RIT2: variants seen among roughly 807,000 people sequenced by gnomAD.
RIT2 encodes the protein GTP-binding protein Rit2.
Under a neutral mutation model 23.7 loss-of-function variants are expected in RIT2, and 24 were observed. The observed-to-expected ratio is 1.01, with a 90% CI of 0.73 to 1.43. The LOEUF (loss-of-function observed/expected upper bound fraction) is 1.43, where lower values mean the gene tolerates loss of function less well. RIT2 is among the 40% of genes most tolerant of loss of function. The probability of loss-of-function intolerance (pLI) is 0.00; values close to 1 mark genes in which losing one functional copy is unlikely to be tolerated. For synonymous variants in RIT2, 107 were observed against 91.1 expected, an observed-to-expected ratio of 1.17 and a Z score of -0.99; for missense variants, 236 against 266.9, an observed-to-expected ratio of 0.88 and a Z score of 0.81.
At chr18:42,949,022 C>T in intron 3 of RIT2, 1 of 397,744 alleles carries the variant, frequency 2.5e-6, no homozygotes, top group Non-Finnish European at 4.4e-6. Flanking sequence ...GCTCTACTTC[C>T]CATCTGTGTT....
intron 1 of RIT2, among the ~76,000 whole-genome samples, chr18:43,036,181 AG>A (rs1458105263): frequency 3.3e-5 from 5 of 152,238 alleles, no homozygotes; most frequent in Admixed American, 3.3e-4. Context: ...ATTAGACTTG[AG>A]AAACATACAG....
chr18:42,991,181 C>T (rs1910838632), intron 2 of RIT2, among the ~76,000 whole-genome samples: 1 of 152,170 alleles, frequency 6.6e-6, no homozygotes, highest in Non-Finnish European at 1.5e-5. Context: ...GAGACAGAAG[C>T]AGCAATGCAC....
At chr18:42,817,218 A>T (rs1906024208) in intron 4 of RIT2, among the ~76,000 whole-genome samples, 1 of 152,126 alleles carries the variant, frequency 6.6e-6, no homozygotes, top group Non-Finnish European at 1.5e-5. Flanking sequence ...GTTGAAGCTA[A>T]ATTGATTATT....
intron 4 of RIT2, among the ~76,000 whole-genome samples, chr18:42,857,082 A>T (rs1256212823): frequency 6.6e-6 from 1 of 151,982 alleles, no homozygotes; most frequent in Non-Finnish European, 1.5e-5. Flanking sequence ...GGCCTTCCAA[A>T]GTGCTCGGAT....
chr18:42,968,456 A>G (rs1910289222), intron 3 of RIT2, among the ~76,000 whole-genome samples: 1 of 152,188 alleles, frequency 6.6e-6, no homozygotes, highest in African/African-American at 2.4e-5. Context: ...AGCCAAAACA[A>G]TGGATCATAA....
At chr18:42,838,511 A>G (rs1188749620) in intron 4 of RIT2, among the ~76,000 whole-genome samples, 1 of 151,792 alleles carries the variant, frequency 6.6e-6, no homozygotes, top group African/African-American at 2.4e-5. Context: ...ACTACCTCTA[A>G]TCTTCCATGG....
chr18:43,008,610 A>G (rs1399696041), intron 2 of RIT2, among the ~76,000 whole-genome samples: 2 of 151,520 alleles, frequency 1.3e-5, no homozygotes, highest in African/African-American at 4.8e-5. Context: ...TAAAAGAGCT[A>G]AAGTAGAATA....
At chr18:43,055,768 A>G (rs1018986413) in intron 1 of RIT2, among the ~76,000 whole-genome samples, 1 of 152,062 alleles carries the variant, frequency 6.6e-6, no homozygotes, top group Non-Finnish European at 1.5e-5. Context: ...GTTTTCGGAC[A>G]TGTTGTTGGT....
At chr18:43,014,382 C>A (rs1037832423) in intron 2 of RIT2, among the ~76,000 whole-genome samples, 26 of 151,668 alleles carry the variant, frequency 1.7e-4, no homozygotes, top group Non-Finnish European at 2.9e-4. Flanking sequence ...CTTGACAGGG[C>A]AGCCCAAGTA....
At chr18:42,909,823 T>C (rs1908720818) in intron 4 of RIT2, among the ~76,000 whole-genome samples, 1 of 152,098 alleles carries the variant, frequency 6.6e-6, no homozygotes, top group Non-Finnish European at 1.5e-5. Context: ...CTGGGATCTT[T>C]AGAAAGTAAA....
chr18:42,840,748 G>T (rs1460030979), intron 4 of RIT2, among the ~76,000 whole-genome samples: 1 of 152,138 alleles, frequency 6.6e-6, no homozygotes, highest in Non-Finnish European at 1.5e-5. Context: ...TGATCCACCC[G>T]CCTTGGCCTC....
chr18:42,863,073 C>A (rs559545188), intron 4 of RIT2, among the ~76,000 whole-genome samples: 20 of 151,094 alleles, frequency 1.3e-4, no homozygotes, highest in African/African-American at 4.9e-4. Flanking sequence ...GTACCTCCAA[C>A]AACAAGATGA....
intron 4 of RIT2, among the ~76,000 whole-genome samples, chr18:42,920,507 A>G (rs1457740712): frequency 6.6e-6 from 1 of 152,210 alleles, no homozygotes; most frequent in Non-Finnish European, 1.5e-5. Context: ...ATCACCATCA[A>G]AATGAATATT....
chr18:42,885,595 T>C (rs902445691), intron 4 of RIT2, among the ~76,000 whole-genome samples: 1 of 151,600 alleles, frequency 6.6e-6, no homozygotes, highest in African/African-American at 2.4e-5. Flanking sequence ...CAAAAAAAAA[T>C]AATAATAATA....
rs182614676 is a variant in RIT2 at position 42,832,394 on chromosome 18, C to G, written c.427-88674G>C. ...AACTTATATAGGCCAGTCACTTGATCCCACCCATAATGATGAAACCAGGAA... is the reference window on the plus strand; with the variant it reads ...AACTTATATAGGCCAGTCACTTGATGCCACCCATAATGATGAAACCAGGAA... On this transcript the variant is annotated intron_variant, in intron 4 of 4. Coordinates refer to ENST00000326695, the MANE Select transcript of RIT2 (RefSeq NM_002930.4). Among the ~76,000 whole-genome samples the G allele has an allele frequency of 5.0e-3, 767 of 152,230 alleles. 5 individuals carry two copies. Among genetic ancestry groups the G allele is most frequent in the Non-Finnish European group, 9.0e-3 (610 of 67,998 alleles).
chr18:43,059,180 A>G (rs1568069998), intron 1 of RIT2, among the ~76,000 whole-genome samples: 2 of 152,122 alleles, frequency 1.3e-5, no homozygotes, highest in Admixed American at 1.3e-4. Flanking sequence ...TATTGAGGAC[A>G]TACAATGTGC....
chr18:43,090,112 A>T (rs1341460026), intron 1 of RIT2, among the ~76,000 whole-genome samples: 3 of 152,158 alleles, frequency 2.0e-5, no homozygotes, highest in Admixed American at 2.0e-4. Context: ...AACCTACAAA[A>T]TGGAGGAAAA....
intron 4 of RIT2, among the ~76,000 whole-genome samples, chr18:42,754,251 T>C (rs2143888414): frequency 6.6e-6 from 1 of 152,212 alleles, no homozygotes; most frequent in Middle Eastern, 3.4e-3. Flanking sequence ...TTCTTTGTGG[T>C]AGGCAGAAGG....
chr18:42,809,959 GTA>G (rs943274615), intron 4 of RIT2, among the ~76,000 whole-genome samples: 25 of 140,856 alleles, frequency 1.8e-4, no homozygotes, highest in African/African-American at 3.1e-4. Context: ...TACATAATTT[GTA>G]TATGTTATAT....
Sources: gnomAD v4.1 joint callset for allele counts (sites outside exome capture counted in the v4.1 genomes callset) on GRCh38, gnomAD v4.1.1 for gene constraint, MANE v1.5 for transcripts, NCBI Gene and HGNC (gene_info 2026-07-23, HGNC 2026-07-21) for gene names.